Variants in CDIN1 observed in about 807,000 individuals in gnomAD.
The protein encoded by CDIN1 is CDAN1 interacting nuclease 1.
In CDIN1, 33 loss-of-function variants were observed where a neutral mutation model predicts 45.3. The observed-to-expected ratio is 0.73, with a 90% CI of 0.55 to 0.97. CDIN1 has a LOEUF of 0.97. CDIN1 is among the 50% of genes least tolerant of loss of function. The pLI is 0.00. For synonymous variants in CDIN1, 118 were observed against 124.4 expected (o/e 0.95, Z 0.34); for missense variants, 303 against 339.4 (o/e 0.89, Z 0.84).
Position 36,774,832 on chromosome 15 carries a change from C to T in CDIN1, c.717-33492C>T, listed in dbSNP as rs138450226. The stretch of plus-strand genomic sequence containing the variant: ...CGCATTATTAAATTTGTGCTCTTGA[C>T]GCCTGCAGTTGTTGACTGTAGCAAG... On this transcript the variant is annotated intron_variant, in intron 10 of 10. Coordinates refer to ENST00000566621, the MANE Select transcript of CDIN1 (RefSeq NM_001321759.2). 3.0e-4 allele frequency among the ~76,000 whole-genome samples: 46 copies of T among 152,242 alleles called. No individual in the cohort carries two copies. The East Asian group carries it at 6.6e-3, about 22-fold the overall frequency.
intron 3 of CDIN1, among the ~76,000 whole-genome samples, chr15:36,653,698 A>G (rs1177975711): frequency 6.6e-6 from 1 of 152,232 alleles, no homozygotes; most frequent in African/African-American, 2.4e-5. Context: ...TGAAACAGGT[A>G]AAGGAAAAGG....
intron 10 of CDIN1, among the ~76,000 whole-genome samples, chr15:36,752,596 T>G (rs917236766): frequency 6.6e-6 from 1 of 152,224 alleles, no homozygotes; most frequent in Non-Finnish European, 1.5e-5. Context: ...TTAATGCAAA[T>G]TAACAGTTGT....
At chr15:36,665,069 G>A (rs1409102842) in intron 5 of CDIN1, among the ~76,000 whole-genome samples, 1 of 152,122 alleles carries the variant, frequency 6.6e-6, no homozygotes, top group Non-Finnish European at 1.5e-5. Context: ...TCTAGGAGTA[G>A]GAATGAACTT....
intron 1 of CDIN1, among the ~76,000 whole-genome samples, chr15:36,623,316 C>A (rs2039283113): frequency 6.6e-6 from 1 of 152,092 alleles, no homozygotes; most frequent in Admixed American, 6.6e-5. Flanking sequence ...AACAATTTTG[C>A]CTTCTCTTTT....
intron 10 of CDIN1, among the ~76,000 whole-genome samples, chr15:36,744,958 A>G (rs759717077): frequency 6.6e-6 from 1 of 152,200 alleles, no homozygotes; most frequent in Non-Finnish European, 1.5e-5. Context: ...ATTATTTGCA[A>G]TCACTTTTGT....
chr15:36,671,312 G>C (rs1170906569), intron 5 of CDIN1, among the ~76,000 whole-genome samples: 1 of 152,088 alleles, frequency 6.6e-6, no homozygotes, highest in East Asian at 1.9e-4. Flanking sequence ...GGGGTTGCTT[G>C]TCTTGCTTTT....
intron 5 of CDIN1, among the ~76,000 whole-genome samples, chr15:36,658,826 T>G (rs1438238804): frequency 6.6e-6 from 1 of 152,210 alleles, no homozygotes; most frequent in Non-Finnish European, 1.5e-5. Flanking sequence ...CCCTTTGATT[T>G]TCTTTGAATC....
intron 1 of CDIN1, among the ~76,000 whole-genome samples, chr15:36,582,452 G>A (rs2037091874): frequency 6.6e-6 from 1 of 152,124 alleles, no homozygotes; most frequent in East Asian, 1.9e-4. Flanking sequence ...TTTCCTGCAC[G>A]TGTGTGGCAG....
At position 36,745,688 on chromosome 15, in the gene CDIN1, G is replaced by A. The variant is rs542884229; in HGVS notation, c.716+35727G>A. On this transcript the variant is annotated intron_variant, in intron 10 of 10. Transcript: ENST00000566621. ...ATTTAAGAATATTACTTATGAGGCC[G>A]GGTGCAGTGGCTCATGCCTGTAATC... is the stretch of plus-strand genomic sequence containing the variant. Among the ~76,000 whole-genome samples, 14 of 152,194 alleles carry A rather than the reference G, an allele frequency of 9.2e-5. No individual in the cohort carries two copies. In the East Asian group the frequency reaches 1.9e-3, roughly 21 times the overall value.
intron 5 of CDIN1, among the ~76,000 whole-genome samples, chr15:36,671,461 T>G (rs1309634806): frequency 6.6e-6 from 1 of 152,134 alleles, no homozygotes; most frequent in Admixed American, 6.6e-5. Flanking sequence ...TTAAAATCAT[T>G]CTGACATATT....
At chr15:36,786,409 AGTT>A (rs1271141659) in intron 10 of CDIN1, among the ~76,000 whole-genome samples, 14 of 152,196 alleles carry the variant, frequency 9.2e-5, no homozygotes, top group Admixed American at 9.2e-4. Context: ...TTTTAATCGT[AGTT>A]GTTTGTTCAC....
chr15:36,648,877 T>C (rs536365551), intron 3 of CDIN1: 1 of 152,316 alleles, frequency 6.6e-6, no homozygotes, highest in Non-Finnish European at 1.5e-5. Context: ...ATTGCCAAAC[T>C]ACTGTCTAGA....
intron 10 of CDIN1, among the ~76,000 whole-genome samples, chr15:36,758,512 T>G (rs1310616201): frequency 6.6e-6 from 1 of 152,184 alleles, no homozygotes; most frequent in African/African-American, 2.4e-5. Context: ...ATGATCTTGA[T>G]GCATGTACAA....
At chr15:36,666,162 A>G (rs1800714525) in intron 5 of CDIN1, among the ~76,000 whole-genome samples, 2 of 152,142 alleles carry the variant, frequency 1.3e-5, no homozygotes, top group Non-Finnish European at 1.5e-5. Flanking sequence ...AATCAGGTAA[A>G]TTTACTAGGG....
chr15:36,730,530 G>C (rs1223461929), intron 10 of CDIN1, among the ~76,000 whole-genome samples: 1 of 152,030 alleles, frequency 6.6e-6, no homozygotes, highest in African/African-American at 2.4e-5. Context: ...CAACTGAATT[G>C]ACCGGTGAAT....
chr15:36,640,964 C>A (rs1417795070), intron 1 of CDIN1, among the ~76,000 whole-genome samples: 1 of 152,188 alleles, frequency 6.6e-6, no homozygotes, highest in Non-Finnish European at 1.5e-5. Context: ...ATGGGAAAAT[C>A]ACACACCAGT....
At chr15:36,778,115 GCCTGGCTTAGACTGAGTATAAGA>G (rs1439695202) in intron 10 of CDIN1, among the ~76,000 whole-genome samples, 1 of 152,160 alleles carries the variant, frequency 6.6e-6, no homozygotes, top group Admixed American at 6.5e-5. Context: ...GTTACCACGG[GCCTGGCTTAGACTGAGTATAAGA>G]CCTCTGTTTT....
intron 1 of CDIN1, among the ~76,000 whole-genome samples, chr15:36,619,469 T>TTCTATCTATCTGTCTATCTATCTATCTA (rs370041510): frequency 6.8e-6 from 1 of 147,054 alleles, no homozygotes; most frequent in African/African-American, 2.5e-5. Flanking sequence ...GCTGGAGGAT[T>TTCTATCTATCTGTCTATCTATCTATCTA]TCTATCTATC....
intron 10 of CDIN1, among the ~76,000 whole-genome samples, chr15:36,765,471 G>A (rs1566959167): frequency 6.6e-6 from 1 of 152,164 alleles, no homozygotes; most frequent in Non-Finnish European, 1.5e-5. Flanking sequence ...TAGGTGAGAT[G>A]TGGGGGATAA....
Sources: allele counts gnomAD v4.1 joint callset (sites outside exome capture counted in the v4.1 genomes callset), GRCh38; gene constraint gnomAD v4.1.1; transcripts MANE v1.5; gene names NCBI Gene and HGNC (gene_info 2026-07-23, HGNC 2026-07-21).